Variants in PDLIM5 observed in about 807,000 individuals in gnomAD.
PDLIM5 encodes PDZ and LIM domain 5.
Under a neutral mutation model 64.2 loss-of-function variants are expected in PDLIM5, and 34 were observed. The observed-to-expected ratio is 0.53, with a 90% confidence interval of 0.40 to 0.71. The LOEUF (loss-of-function observed/expected upper bound fraction) is 0.71, where lower values mean the gene tolerates loss of function less well. Among genes scored for constraint, PDLIM5 ranks in the 30% least tolerant of loss-of-function variants. The probability of loss-of-function intolerance (pLI) is 0.00; values close to 1 mark genes in which losing one functional copy is unlikely to be tolerated. For synonymous variants in PDLIM5, 253 were observed against 269.1 expected (o/e 0.94, Z 0.59); for missense variants, 683 against 733.6 (o/e 0.93, Z 0.80).
At chr4:94,585,153 CG>C (rs1456678861) in intron 5 of PDLIM5, 5 of 534,558 alleles carry the variant, frequency 9.4e-6, no homozygotes, top group Non-Finnish European at 1.3e-5. Context: ...TGCAGTGGTG[CG>C]ATCTTGGCTC....
At chr4:94,649,413 G>A (rs1172167222) in intron 9 of PDLIM5, among the ~76,000 whole-genome samples, 2 of 152,062 alleles carry the variant, frequency 1.3e-5, no homozygotes, top group African/African-American at 4.8e-5. Flanking sequence ...AGTGTTCCTG[G>A]TCACCTATTT....
intron 3 of PDLIM5, among the ~76,000 whole-genome samples, chr4:94,558,813 T>A (rs1009087005): frequency 4.6e-5 from 7 of 152,000 alleles, no homozygotes; most frequent in African/African-American, 1.7e-4. Flanking sequence ...ATCTCTTTTG[T>A]GTGTGTGTTG....
At chr4:94,605,591 A>G (rs1056995152) in intron 7 of PDLIM5, among the ~76,000 whole-genome samples, 4 of 152,204 alleles carry the variant, frequency 2.6e-5, no homozygotes, top group Admixed American at 6.5e-5. Context: ...GAGAACAGAT[A>G]CTGATGTTTG....
intron 3 of PDLIM5, among the ~76,000 whole-genome samples, chr4:94,553,417 G>A (rs1055964484): frequency 2.0e-5 from 3 of 152,218 alleles, no homozygotes; most frequent in African/African-American, 4.8e-5. Flanking sequence ...CCAAATGATC[G>A]GTTTTAGTTA....
intron 7 of PDLIM5, among the ~76,000 whole-genome samples, chr4:94,606,090 A>G (rs972272417): frequency 1.3e-4 from 20 of 152,150 alleles, no homozygotes; most frequent in African/African-American, 3.4e-4. Flanking sequence ...ATACTTTTCA[A>G]TTTACAAATA....
At chr4:94,452,204 G>A (rs1477709204) in intron 1 of PDLIM5, among the ~76,000 whole-genome samples, 1 of 152,202 alleles carries the variant, frequency 6.6e-6, no homozygotes, top group Non-Finnish European at 1.5e-5. Context: ...CCCGGAAAAG[G>A]GCAGCGCTGG....
chr4:94,654,606 C>A lies in PDLIM5; in HGVS notation c.1430C>A (p.Pro477His). Residue 477 changes from proline (P) to histidine (H), a missense_variant, in exon 10 of 13, where the codon CCT (proline) becomes CAT (histidine). Pro to His is a moderately conservative substitution (Grantham distance 77). Transcript: ENST00000317968. The stretch of plus-strand genomic sequence containing the variant: ...CTGTGCTATGAGAAATTCTTTGCCC[C>A]TGAATGTGGTCGATGCCAAAGGAAG... ...CELCYEKFFAPECGRCQRKIL... is the reference protein window; with the variant it reads ...CELCYEKFFAHECGRCQRKIL... The A allele has an allele frequency of 6.2e-7, 1 of 1,612,498 alleles. No homozygotes were observed. Among genetic ancestry groups the A allele is most frequent in the Non-Finnish European group, 8.5e-7 (1 of 1,178,706 alleles).
At chr4:94,568,283 G>C (rs1734510389) in intron 3 of PDLIM5, among the ~76,000 whole-genome samples, 2 of 152,176 alleles carry the variant, frequency 1.3e-5, no homozygotes, top group Admixed American at 6.5e-5. Flanking sequence ...TTTCTACAGT[G>C]ACAGAGCTGA....
At chr4:94,662,367 C>T in intron 11 of PDLIM5, 55 bp from the exon 12 acceptor site, 1 of 811,094 alleles carries the variant, frequency 1.2e-6, no homozygotes, top group Non-Finnish European at 2.1e-6. Flanking sequence ...TAGGAACGAT[C>T]ATTCTAAAAC....
chr4:94,467,748 G>A (rs867034784), intron 2 of PDLIM5, among the ~76,000 whole-genome samples: 1 of 152,170 alleles, frequency 6.6e-6, no homozygotes. Context: ...CCATGTGTCA[G>A]CCAGGATTTG....
intron 2 of PDLIM5, among the ~76,000 whole-genome samples, chr4:94,515,002 A>G (rs138473545): frequency 5.3e-4 from 80 of 152,366 alleles, no homozygotes; most frequent in African/African-American, 1.6e-3. Flanking sequence ...CTTTATGTAT[A>G]ACAACAAAAA....
intron 2 of PDLIM5, among the ~76,000 whole-genome samples, chr4:94,488,857 A>G (rs1166757842): frequency 2.0e-5 from 3 of 152,236 alleles, no homozygotes; most frequent in Middle Eastern, 3.2e-3. Context: ...AAGTGCTTCA[A>G]TCTTTACTAA....
At chr4:94,470,857 G>A (rs756157132) in intron 2 of PDLIM5, among the ~76,000 whole-genome samples, 1 of 152,142 alleles carries the variant, frequency 6.6e-6, no homozygotes, top group Non-Finnish European at 1.5e-5. Flanking sequence ...TCCAAGAGTG[G>A]GTAATTTATA....
intron 3 of PDLIM5, among the ~76,000 whole-genome samples, chr4:94,552,919 T>G (rs1306258209): frequency 6.6e-6 from 1 of 152,038 alleles, no homozygotes; most frequent in African/African-American, 2.4e-5. Flanking sequence ...ACTTTGGTAG[T>G]CTAGGTTGAT....
intron 5 of PDLIM5, among the ~76,000 whole-genome samples, chr4:94,578,999 A>G (rs1239866542): frequency 6.6e-6 from 1 of 152,078 alleles, no homozygotes; most frequent in Non-Finnish European, 1.5e-5. Context: ...TGATAAACAG[A>G]CATAAACAGA....
chr4:94,517,758 A>G (rs1317439266), intron 2 of PDLIM5, among the ~76,000 whole-genome samples: 2 of 152,216 alleles, frequency 1.3e-5, no homozygotes, highest in African/African-American at 2.4e-5. Flanking sequence ...TTTGTTGAAA[A>G]TATGCAGAAG....
At chr4:94,551,605 A>G (rs1246695409) in intron 3 of PDLIM5, among the ~76,000 whole-genome samples, 1 of 152,172 alleles carries the variant, frequency 6.6e-6, no homozygotes, top group Non-Finnish European at 1.5e-5. Flanking sequence ...CTCCCCAAAT[A>G]AACGTGAAGA....
chr4:94,606,360 A>G (rs796079620), intron 7 of PDLIM5, among the ~76,000 whole-genome samples: 2 of 152,292 alleles, frequency 1.3e-5, no homozygotes, highest in South Asian at 4.1e-4. Flanking sequence ...TTGGGGAATC[A>G]GGGAGGCTTC....
intron 2 of PDLIM5, among the ~76,000 whole-genome samples, chr4:94,506,962 C>T (rs957940418): frequency 1.3e-5 from 2 of 152,162 alleles, no homozygotes; most frequent in African/African-American, 4.8e-5. Context: ...TGGATGCTTC[C>T]TTCTGTTCCT....
Sources: gnomAD v4.1 joint callset for allele counts (sites outside exome capture counted in the v4.1 genomes callset) on GRCh38, gnomAD v4.1.1 for gene constraint, MANE v1.5 for transcripts, NCBI Gene and HGNC (gene_info 2026-07-23, HGNC 2026-07-21) for gene names.